VPS37A: variants seen among roughly 807,000 people sequenced by gnomAD.
VPS37A encodes the protein VPS37A subunit of ESCRT-I.
In VPS37A, 30 loss-of-function variants were observed where a neutral mutation model predicts 49.8. The ratio of observed to expected loss-of-function variants is 0.60; its 90% CI spans 0.45 to 0.82. The LOEUF is 0.82. Among genes scored for constraint, VPS37A ranks in the 40% least tolerant of loss-of-function variants. The pLI, the probability that VPS37A is intolerant of heterozygous loss-of-function variation, is 0.00. For synonymous variants in VPS37A, 195 were observed against 160.6 expected (o/e 1.21, Z -1.62); for missense variants, 593 against 464.4 (o/e 1.28, Z -2.55).
intron 1 of VPS37A, among the ~76,000 whole-genome samples, chr8:17,265,481 TAG>T (rs1198106056): frequency 2.6e-5 from 4 of 152,222 alleles, no homozygotes; most frequent in Non-Finnish European, 5.9e-5. Context: ...GCGTCTCATC[TAG>T]ACTTTTAAGT....
At chr8:17,306,489 C>T (rs556642702), downstream of VPS37A, among the ~76,000 whole-genome samples, 18 of 152,268 alleles carry the variant, frequency 1.2e-4, no homozygotes, top group African/African-American at 4.3e-4. Context: ...ACGACAGATT[C>T]CACATGTATT....
At chr8:17,280,655 A>C (rs1019095510) in intron 9 of VPS37A, among the ~76,000 whole-genome samples, 1 of 152,010 alleles carries the variant, frequency 6.6e-6, no homozygotes, top group East Asian at 1.9e-4. Context: ...TTTCTAAAAC[A>C]GAAAATTATG....
intron 11 of VPS37A, chr8:17,286,708 A>T: frequency 3.4e-6 from 1 of 294,226 alleles, no homozygotes; most frequent in Non-Finnish European, 6.4e-6. Flanking sequence ...CCTTTCTCTC[A>T]CCTGGTGTGT....
intron 1 of VPS37A, among the ~76,000 whole-genome samples, chr8:17,252,307 A>G (rs1389582963): frequency 5.3e-5 from 8 of 152,068 alleles, no homozygotes; most frequent in Non-Finnish European, 1.2e-4. Context: ...ACATGCCATC[A>G]TGCCTGGCTC....
chr8:17,308,176 A>G, the VPS37A span, among the ~76,000 whole-genome samples: 1 of 146,610 alleles, frequency 6.8e-6, no homozygotes, highest in East Asian at 2.0e-4. Context: ...ACTGCAAATC[A>G]AAAAAAAAAG....
chr8:17,318,798 G>A, the VPS37A span, among the ~76,000 whole-genome samples: 1 of 152,118 alleles, frequency 6.6e-6, no homozygotes, highest in Non-Finnish European at 1.5e-5. Flanking sequence ...TGCCCCCCAG[G>A]GACAGCTGAC....
At chr8:17,331,200 C>A in the VPS37A span, 1 of 1,612,736 alleles carries the variant, frequency 6.2e-7, no homozygotes, top group African/African-American at 1.3e-5. Flanking sequence ...GTTCTCTATC[C>A]CGATAAACTG....
Position 17,247,209 on chromosome 8 carries a change from G to T in VPS37A, c.-36G>T. ...GAGCCACTGGGAGAAGCAGGCCAGA[G>T]CCTTCCAGGGCCTCCGGCCCGTGGA... is the stretch of plus-strand genomic sequence containing the variant. On this transcript the variant is annotated 5_prime_UTR_variant, in exon 1 of 12. Transcript: ENST00000324849. 6.4e-7 allele frequency: 1 copy of T among 1,559,940 alleles called. No individual in the cohort carries two copies. The highest frequency in any genetic ancestry group is 8.7e-7 in the Non-Finnish European group (1 of 1,152,048).
At chr8:17,286,575 TATA>T (rs144160809) in intron 11 of VPS37A, 148 bp downstream of exon 11, 10,743 of 608,574 alleles carry the variant, frequency 0.018, 166 homozygotes, top group Non-Finnish European at 0.024. Flanking sequence ...CTTTGTATTA[TATA>T]ATAAGCATAA....
chr8:17,304,109 TA>T (rs1477820440), downstream of VPS37A, among the ~76,000 whole-genome samples: 1 of 152,196 alleles, frequency 6.6e-6, no homozygotes, highest in Non-Finnish European at 1.5e-5. Flanking sequence ...CATTTGCTTT[TA>T]AAAAAATAAA....
At chr8:17,258,473 C>T (rs1265514192) in intron 1 of VPS37A, among the ~76,000 whole-genome samples, 1 of 152,154 alleles carries the variant, frequency 6.6e-6, no homozygotes, top group East Asian at 1.9e-4. Context: ...ACTGTCCTTG[C>T]ATTCCTGGGG....
the VPS37A span, among the ~76,000 whole-genome samples, chr8:17,307,627 G>C: frequency 6.6e-6 from 1 of 152,166 alleles, no homozygotes; most frequent in Non-Finnish European, 1.5e-5. Context: ...CAAAGACTTG[G>C]AACCAACCTA....
intron 10 of VPS37A, among the ~76,000 whole-genome samples, chr8:17,285,416 T>C (rs1379900020): frequency 6.6e-6 from 1 of 152,242 alleles, no homozygotes; most frequent in Non-Finnish European, 1.5e-5. Flanking sequence ...GTTTCTGTTC[T>C]GTTCTGATAT....
At chr8:17,265,800 G>A (rs759893133) in intron 1 of VPS37A, 107 bp from the exon 2 acceptor site, 2 of 1,575,266 alleles carry the variant, frequency 1.3e-6, no homozygotes, top group Non-Finnish European at 1.7e-6. Context: ...TCCAGATTCT[G>A]TGATTAAAAA....
At chr8:17,328,167 A>T in the VPS37A span, among the ~76,000 whole-genome samples, 9 of 152,326 alleles carry the variant, frequency 5.9e-5, no homozygotes, top group Non-Finnish European at 1.2e-4. Flanking sequence ...TGATTGGCAG[A>T]GGAGGAAGAT....
chr8:17,273,318 T>C (rs1223603698), intron 4 of VPS37A, among the ~76,000 whole-genome samples: 1 of 152,192 alleles, frequency 6.6e-6, no homozygotes, highest in African/African-American at 2.4e-5. Context: ...TCTAGAAGTG[T>C]AATGCACATT....
rs548078980 is a variant in VPS37A, at chr8:17,262,234, G to T, written c.126-3673G>T. The stretch of plus-strand genomic sequence containing the variant: ...ATATTTGAGTTCTGGGATGTCGTTG[G>T]TGTTAATCTTAGTGTTACATATTTG... On this transcript the variant is annotated intron_variant, in intron 1 of 11. Coordinates refer to ENST00000324849, the MANE Select transcript of VPS37A (RefSeq NM_152415.3). Among the ~76,000 whole-genome samples, 43 of 152,182 alleles carry T rather than the reference G, an allele frequency of 2.8e-4. 1 individual carries two copies. Among genetic ancestry groups the T allele is most frequent in the Non-Finnish European group, 3.2e-4 (22 of 68,010 alleles).
chr8:17,302,423 G>A, downstream of VPS37A: 1 of 837,234 alleles, frequency 1.2e-6, no homozygotes, highest in Non-Finnish European at 1.8e-6. Context: ...CACTACTTAA[G>A]GTAATAATTT....
chr8:17,255,184 A>C (rs1415138513), intron 1 of VPS37A, among the ~76,000 whole-genome samples: 1 of 152,200 alleles, frequency 6.6e-6, no homozygotes, highest in Non-Finnish European at 1.5e-5. Context: ...TACAAAATAT[A>C]AACTAAGTGG....
Sources: allele counts gnomAD v4.1 joint callset (sites outside exome capture counted in the v4.1 genomes callset), GRCh38; gene constraint gnomAD v4.1.1; transcripts MANE v1.5; gene names NCBI Gene and HGNC (gene_info 2026-07-23, HGNC 2026-07-21).